The following SPHK1 variants were observed in gnomAD, a reference collection of about 807,000 sequenced individuals.
The protein encoded by SPHK1 is sphingosine kinase 1.
SPHK1 carries 10 observed loss-of-function variants against 14.6 expected under a neutral mutation model. That is an observed-to-expected ratio of 0.68 (90% CI 0.42 to 1.16). The LOEUF is 1.16. Among genes scored for constraint, SPHK1 ranks in the 50% most tolerant of loss-of-function variants. The pLI, the probability that SPHK1 is intolerant of heterozygous loss-of-function variation, is 0.00. For missense variants in SPHK1, 553 were observed against 525.4 expected (o/e 1.05, Z -0.51); for synonymous variants, 274 against 224.0 (o/e 1.22, Z -1.99).
rs1228581768 is a variant in SPHK1 at position 76,385,052 on chromosome 17, C to T, written c.-195+246C>T. 3.2e-6 allele frequency: 5 copies of T among 1,538,536 alleles called. No individual in the cohort carries two copies. The South Asian group carries it at 3.6e-5, about 11-fold the overall frequency. On this transcript the variant is annotated intron_variant, in intron 1 of 5. Coordinates refer to ENST00000592299, the MANE Select transcript of SPHK1 (RefSeq NM_001142601.2). This position sits in a 1 kb window ranked among gnomAD's most constrained non-coding sequence, Gnocchi z 5.3. ...GCTCTGGAGCTCCGGGCAGGGGACA[C>T]GGCAACCTGGATGGCTGGGGCAGGG...
At chr17:76,383,509 C>T (rs1161279963), upstream of SPHK1, 2 of 239,360 alleles carry the variant, frequency 8.4e-6, no homozygotes, top group South Asian at 7.0e-5. Flanking sequence ...CTCTTCTCGA[C>T]TTTAAGAAGC....
Position 76,385,850 on chromosome 17 carries a change from CA to C in SPHK1, c.11-132del. The C allele has an allele frequency of 6.7e-7, 1 of 1,488,032 alleles. No homozygotes were observed. Among genetic ancestry groups the C allele is most frequent in the Non-Finnish European group, 9.0e-7 (1 of 1,112,034 alleles). 92.2% of individuals were successfully genotyped at this position (1,488,032 alleles called of 1,614,324 possible). Reference sequence around the variant, plus strand: ...CGCGTCCCCACCCCAGGTCTCCCAGCAAAGGCCGCTCCTCTGGCCAGGGTCA... The same window carrying C: ...CGCGTCCCCACCCCAGGTCTCCCAGCAAGGCCGCTCCTCTGGCCAGGGTCA... On this transcript the variant is annotated intron_variant, in intron 2 of 5. Coordinates refer to ENST00000592299, the MANE Select transcript of SPHK1 (RefSeq NM_001142601.2). The surrounding 1 kb of genome is among the most constrained non-coding windows in gnomAD (Gnocchi z 5.3).
chr17:76,386,872 G>A lies in SPHK1; in HGVS notation c.441G>A (p.Leu147=). 6.2e-7 allele frequency: 1 copy of A among 1,605,700 alleles called. No individual in the cohort carries two copies. The highest frequency in any genetic ancestry group is 8.5e-7 in the Non-Finnish European group (1 of 1,174,922). Residue 147 remains leucine, a synonymous_variant, in exon 6 of 6, where the codon CTG becomes CTA. Transcript: ENST00000592299. This position sits in a 1 kb window ranked among gnomAD's most constrained non-coding sequence, Gnocchi z 5.3. ...CGCTATTGCTGTGCCGCCGGCTGCTGTCACCCATGAACCTGCTGTCTCTGC... is the reference window on the plus strand; with the variant it reads ...CGCTATTGCTGTGCCGCCGGCTGCTATCACCCATGAACCTGCTGTCTCTGC... ...NCTLLLCRRL[L]SPMNLLSLHT...
At chr17:76,383,432 C>T (rs567549629), upstream of SPHK1, 391 of 177,186 alleles carry the variant, frequency 2.2e-3, no homozygotes, top group Non-Finnish European at 4.0e-3. Flanking sequence ...AGAGAAGACA[C>T]CGCGGAGGCG....
chr17:76,386,484 C>A lies in SPHK1; in HGVS notation c.350C>A (p.Ala117Glu). 1 of 1,612,706 alleles carries A rather than the reference C, an allele frequency of 6.2e-7. No homozygotes were observed. Residue 117 changes from alanine (A) to glutamate (E), a missense_variant, in exon 5 of 6, where the codon GCA (alanine) becomes GAA (glutamate). Physicochemically the swap from Ala to Glu is moderately radical, Grantham distance 107. Coordinates refer to ENST00000592299, the MANE Select transcript of SPHK1 (RefSeq NM_001142601.2). The surrounding 1 kb of genome is among the most constrained non-coding windows in gnomAD (Gnocchi z 5.3). ...CCAGCAGGCTCTGGCAACGCGCTGGCAGCTTCCTTGAACCATTATGCTGGG... is the reference window on the plus strand; with the variant it reads ...CCAGCAGGCTCTGGCAACGCGCTGGAAGCTTCCTTGAACCATTATGCTGGG... ...SLPAGSGNAL[A>E]ASLNHYAGYE...
Position 76,387,228 on chromosome 17 carries a change from C to A in SPHK1, c.797C>A (p.Ser266Ter), listed in dbSNP as rs149492135. The A allele has an allele frequency of 1.2e-6, 2 of 1,613,072 alleles. No individual in the cohort carries two copies. Among genetic ancestry groups the A allele is most frequent in the South Asian group, 2.2e-5 (2 of 91,012 alleles). ...DFVLVLALLH[S>*]HLGSEMFAAP... The stretch of plus-strand genomic sequence containing the variant: ...GTGCTAGTCCTGGCACTGCTGCACT[C>A]GCACCTGGGCAGTGAGATGTTTGCT... The change falls in exon 6 of 6, where the codon TCG (serine) becomes TAG (stop). Residue 266 changes from serine (S) to a stop codon, truncating the protein, a stop_gained. Coordinates refer to ENST00000592299, the MANE Select transcript of SPHK1 (RefSeq NM_001142601.2). LOFTEE classifies it low-confidence loss of function (END_TRUNC). This position sits in a 1 kb window ranked among gnomAD's most constrained non-coding sequence, Gnocchi z 4.1.
Position 76,386,121 on chromosome 17 carries a change from C to T in SPHK1, c.147C>T (p.Phe49=), listed in dbSNP as rs1231465668. ...TTTTGGCTGAGGCTGAAATCTCCTT[C>T]ACGCTGATGCTCACTGGTGAGTACC... ...QPLLAEAEIS[F]TLMLTERRNH... Residue 49 remains phenylalanine, a synonymous_variant, in exon 3 of 6, where the codon TTC becomes TTT. Coordinates refer to ENST00000592299, the MANE Select transcript of SPHK1 (RefSeq NM_001142601.2). The surrounding 1 kb of genome is among the most constrained non-coding windows in gnomAD (Gnocchi z 5.3). 6.3e-7 allele frequency: 1 copy of T among 1,596,506 alleles called. No homozygotes were observed. The highest frequency in any genetic ancestry group is 1.1e-5 in the South Asian group (1 of 90,736).
chr17:76,387,094 G>A lies in SPHK1; in HGVS notation c.663G>A (p.Lys221=). ...TCCCTGTAGGAAGAGTGGGTTCCAA[G>A]ACACCTGCCTCCCCCGTTGTGGTCC... ...AYLPVGRVGS[K]TPASPVVVQQ... is the part of the protein sequence containing the mutation. The change falls in exon 6 of 6, where the codon AAG becomes AAA. Residue 221 remains lysine, a synonymous_variant. Transcript: ENST00000592299. This position sits in a 1 kb window ranked among gnomAD's most constrained non-coding sequence, Gnocchi z 4.1. The A allele has an allele frequency of 1.2e-6, 2 of 1,613,334 alleles. No individual in the cohort carries two copies. The highest frequency in any genetic ancestry group is 1.7e-6 in the Non-Finnish European group (2 of 1,180,032).
rs541550244 is a variant in SPHK1, at chr17:76,386,077, C to G, written c.103C>G (p.Arg35Gly). Reference protein sequence around the residue: ...GGKGKALQLFRSHVQPLLAEA... With the variant: ...GGKGKALQLFGSHVQPLLAEA... ...CAAGGGCAAGGCCTTGCAGCTCTTC[C>G]GGAGTCACGTGCAGCCCCTTTTGGC... Residue 35 changes from arginine to glycine, a missense_variant, in exon 3 of 6, where the codon CGG (arginine) becomes GGG (glycine). Transcript: ENST00000592299. This position sits in a 1 kb window ranked among gnomAD's most constrained non-coding sequence, Gnocchi z 5.3. 1 of 1,606,858 alleles carries G rather than the reference C, an allele frequency of 6.2e-7. No homozygotes were observed. The highest frequency in any genetic ancestry group is 1.3e-5 in the African/African-American group (1 of 74,938).
chr17:76,386,794 T>C lies in SPHK1; in HGVS notation c.375-12T>C. 6.5e-7 allele frequency: 1 copy of C among 1,528,582 alleles called. No homozygotes were observed. Among genetic ancestry groups the C allele is most frequent in the Non-Finnish European group, 8.8e-7 (1 of 1,137,890 alleles). The allele number at this position is 1,528,582 out of a possible 1,614,324, so 94.7% of individuals were successfully genotyped here. A position where few individuals can be genotyped will look rare whatever the true frequency, so the allele number is the denominator to read the frequency against. On this transcript the variant is annotated splice_polypyrimidine_tract_variant and intron_variant, in intron 5 of 5. Transcript: ENST00000592299. The surrounding 1 kb of genome is among the most constrained non-coding windows in gnomAD (Gnocchi z 5.3). ...CTCCTGTCCTGCCTTATCTGACTTT[T>C]TCCCCCTGCAGCTATGAGCAGGTCA... is the stretch of plus-strand genomic sequence containing the variant.
At position 76,386,753 on chromosome 17, in the gene SPHK1, G is replaced by A. The variant is rs769345156; in HGVS notation, c.375-53G>A. The A allele has an allele frequency of 7.3e-6, 11 of 1,505,488 alleles. No homozygotes were observed. Among genetic ancestry groups the A allele is most frequent in the East Asian group, 2.3e-5 (1 of 43,934 alleles). The allele number at this position is 1,505,488 out of a possible 1,614,324, so 93.3% of individuals were successfully genotyped here. A position where few individuals can be genotyped will look rare whatever the true frequency, so the allele number is the denominator to read the frequency against. On this transcript the variant is annotated intron_variant, in intron 5 of 5. Coordinates refer to ENST00000592299, the MANE Select transcript of SPHK1 (RefSeq NM_001142601.2). The surrounding 1 kb of genome is among the most constrained non-coding windows in gnomAD (Gnocchi z 5.3). The stretch of plus-strand genomic sequence containing the variant: ...CTCCCACTCCCCGGGAGGAGGAAGC[G>A]GGGGATACATGGGGGCTCCTGTCCT...
upstream of SPHK1, chr17:76,383,871 C>T (rs756759057): frequency 1.6e-6 from 2 of 1,276,328 alleles, no homozygotes; most frequent in Non-Finnish European, 2.0e-6. Context: ...CCAATCCCGA[C>T]GGGGGCCCCC....
chr17:76,385,684 T>G lies in SPHK1; in HGVS notation c.10+30T>G. On this transcript the variant is annotated intron_variant, in intron 2 of 5. Coordinates refer to ENST00000592299, the MANE Select transcript of SPHK1 (RefSeq NM_001142601.2). The surrounding 1 kb of genome is among the most constrained non-coding windows in gnomAD (Gnocchi z 5.3). ...GTGGGGTTCCTGCTGGGAAGGGCTG[T>G]AGGGGGATTCCTGTTCCTCGCCAGG... 1 of 1,522,682 alleles carries G rather than the reference T, an allele frequency of 6.6e-7. No individual in the cohort carries two copies. The highest frequency in any genetic ancestry group is 8.8e-7 in the Non-Finnish European group (1 of 1,136,244). 94.3% of individuals were successfully genotyped at this position (1,522,682 alleles called of 1,614,324 possible).
chr17:76,387,730 G>T lies in SPHK1; in HGVS notation c.*144G>T. 9.0e-6 allele frequency: 9 copies of T among 997,678 alleles called. No homozygotes were observed. Among genetic ancestry groups the T allele is most frequent in the Non-Finnish European group, 1.1e-5 (8 of 706,068 alleles). 61.8% of individuals were successfully genotyped at this position (997,678 alleles called of 1,614,324 possible). On this transcript the variant is annotated 3_prime_UTR_variant, in exon 6 of 6. Transcript: ENST00000592299. The surrounding 1 kb of genome is among the most constrained non-coding windows in gnomAD (Gnocchi z 4.1). ...GAAGGTGGAGGCTATGCTTTGGGGGGACAGGCCAGAATGAAGTCCTGGGTC... is the reference window on the plus strand; with the variant it reads ...GAAGGTGGAGGCTATGCTTTGGGGGTACAGGCCAGAATGAAGTCCTGGGTC...
Position 76,387,357 on chromosome 17 carries a change from G to A in SPHK1, c.926G>A (p.Gly309Asp), listed in dbSNP as rs1478287702. The A allele has an allele frequency of 1.2e-6, 2 of 1,613,886 alleles. No individual in the cohort carries two copies. The highest frequency in any genetic ancestry group is 1.7e-6 in the Non-Finnish European group (2 of 1,180,014). ...LLRLFLAMEK[G>D]RHMEYECPYL... ...CGCCTCTTCCTGGCCATGGAGAAGG[G>A]CAGGCATATGGAGTATGAATGCCCC... is the stretch of plus-strand genomic sequence containing the variant. The change falls in exon 6 of 6, where the codon GGC becomes GAC. Residue 309 changes from glycine to aspartate, a missense_variant. Gly to Asp is a moderately conservative substitution (Grantham distance 94). Transcript: ENST00000592299. The surrounding 1 kb of genome is among the most constrained non-coding windows in gnomAD (Gnocchi z 4.1).
rs750769171 is a variant in SPHK1, at chr17:76,387,189, C to T, written c.758C>T (p.Pro253Leu). The T allele has an allele frequency of 1.9e-6, 3 of 1,613,146 alleles. No homozygotes were observed. Among genetic ancestry groups the T allele is most frequent in the Non-Finnish European group, 2.5e-6 (3 of 1,179,964 alleles). The change falls in exon 6 of 6, where the codon CCC (proline) becomes CTC (leucine). Residue 253 changes from proline to leucine, a missense_variant. Coordinates refer to ENST00000592299, the MANE Select transcript of SPHK1 (RefSeq NM_001142601.2). This position sits in a 1 kb window ranked among gnomAD's most constrained non-coding sequence, Gnocchi z 4.1. ...GTGCCCTCTCACTGGACAGTGGTGC[C>T]CGACGAGGACTTTGTGCTAGTCCTG... ...EPVPSHWTVV[P>L]DEDFVLVLAL...
In SPHK1 at chr17:76,387,197, G is replaced by T; in HGVS notation, c.766G>T (p.Asp256Tyr). 1 of 1,613,212 alleles carries T rather than the reference G, an allele frequency of 6.2e-7. No homozygotes were observed. The highest frequency in any genetic ancestry group is 8.5e-7 in the Non-Finnish European group (1 of 1,179,952). ...PSHWTVVPDE[D>Y]FVLVLALLHS... is the part of the protein sequence containing the mutation. ...TCACTGGACAGTGGTGCCCGACGAG[G>T]ACTTTGTGCTAGTCCTGGCACTGCT... Residue 256 changes from aspartate (D) to tyrosine (Y), a missense_variant, in exon 6 of 6, where the codon GAC becomes TAC. Coordinates refer to ENST00000592299, the MANE Select transcript of SPHK1 (RefSeq NM_001142601.2). The surrounding 1 kb of genome is among the most constrained non-coding windows in gnomAD (Gnocchi z 4.1).
chr17:76,385,834 AC>A lies in SPHK1; in HGVS notation c.11-147del. 1.4e-6 allele frequency: 2 copies of A among 1,458,650 alleles called. No homozygotes were observed. The highest frequency in any genetic ancestry group is 1.3e-5 in the South Asian group (1 of 79,880). 90.4% of individuals were successfully genotyped at this position (1,458,650 alleles called of 1,614,324 possible). A position where few individuals can be genotyped will look rare whatever the true frequency, so the allele number is the denominator to read the frequency against. ...GGGGTGGCAGGGGCGCCGCGTCCCC[AC>A]CCCAGGTCTCCCAGCAAAGGCCGCT... On this transcript the variant is annotated intron_variant, in intron 2 of 5. Coordinates refer to ENST00000592299, the MANE Select transcript of SPHK1 (RefSeq NM_001142601.2). The surrounding 1 kb of genome is among the most constrained non-coding windows in gnomAD (Gnocchi z 5.3).
Position 76,386,952 on chromosome 17 carries a change from T to C in SPHK1, c.521T>C (p.Ile174Thr), listed in dbSNP as rs2071997661. The change falls in exon 6 of 6, where the codon ATT becomes ACT. Residue 174 changes from isoleucine (I) to threonine (T), a missense_variant. Coordinates refer to ENST00000592299, the MANE Select transcript of SPHK1 (RefSeq NM_001142601.2). The surrounding 1 kb of genome is among the most constrained non-coding windows in gnomAD (Gnocchi z 5.3). ...FSVLSLAWGF[I>T]ADVDLESEKY... Reference sequence around the variant, plus strand: ...GTGCTCAGCCTGGCCTGGGGCTTCATTGCTGATGTGGACCTAGAGAGTGAG... The same window carrying C: ...GTGCTCAGCCTGGCCTGGGGCTTCACTGCTGATGTGGACCTAGAGAGTGAG... 1 of 1,613,424 alleles carries C rather than the reference T, an allele frequency of 6.2e-7. No individual in the cohort carries two copies. The highest frequency in any genetic ancestry group is 8.5e-7 in the Non-Finnish European group (1 of 1,179,796).
Sources: gnomAD v4.1 joint callset for allele counts on GRCh38, gnomAD v4.1.1 for gene constraint, Gnocchi (gnomAD v3.1) non-coding constraint, MANE v1.5 for transcripts, NCBI Gene and HGNC (gene_info 2026-07-23, HGNC 2026-07-21) for gene names.